The following IL15 variants were observed in gnomAD, a reference collection of about 807,000 sequenced individuals.
IL15 encodes the protein interleukin-15.
Under a neutral mutation model 19.6 loss-of-function variants are expected in IL15, and 11 were observed. The ratio of observed to expected loss-of-function variants is 0.56; its 90% CI spans 0.35 to 0.93. IL15 has a LOEUF of 0.93. Among genes scored for constraint, IL15 ranks in the 40% least tolerant of loss-of-function variants. IL15 has a pLI of 0.01. For synonymous variants in IL15, 58 were observed against 59.6 expected, an observed-to-expected ratio of 0.97 and a Z score of 0.12; for missense variants, 197 against 186.5, an observed-to-expected ratio of 1.06 and a Z score of -0.33.
Position 141,669,917 on chromosome 4 carries a change from G to A in IL15, c.-100+13610G>A, listed in dbSNP as rs566929388. ...CTAGAAATCTAGATTAATGTTCACC[G>A]TGTGGATAATTTGAAAACTCTTGAG... is the stretch of plus-strand genomic sequence containing the variant. On this transcript the variant is annotated intron_variant, in intron 2 of 7. Transcript: ENST00000320650. 9.2e-5 allele frequency among the ~76,000 whole-genome samples: 14 copies of A among 151,778 alleles called. No individual in the cohort carries two copies. The East Asian group carries it at 9.7e-4, about 10-fold the overall frequency.
intron 2 of IL15, among the ~76,000 whole-genome samples, chr4:141,659,761 A>G (rs946204315): frequency 2.8e-4 from 42 of 152,354 alleles, no homozygotes; most frequent in African/African-American, 9.4e-4. Context: ...GAAATATGCA[A>G]GAGATTTAAA....
At chr4:141,720,993 TTTG>T (rs1730055057) in intron 4 of IL15, 1 of 595,618 alleles carries the variant, frequency 1.7e-6, no homozygotes, top group East Asian at 2.9e-5. Context: ...ATTTAAGCCT[TTTG>T]TTGTTTCCTT....
At chr4:141,702,116 G>C (rs1471917587) in intron 2 of IL15, among the ~76,000 whole-genome samples, 1 of 152,174 alleles carries the variant, frequency 6.6e-6, no homozygotes, top group Non-Finnish European at 1.5e-5. Flanking sequence ...CTGCCTGTTG[G>C]GGTAGAGGTG....
At chr4:141,719,345 A>G (rs984116183) in intron 2 of IL15, 21 bp from the exon 3 acceptor site, 2 of 588,500 alleles carry the variant, frequency 3.4e-6, no homozygotes, top group African/African-American at 3.8e-5. Flanking sequence ...TGTGTTTTTA[A>G]TGGATCATAC....
chr4:141,689,192 G>T (rs1328886082), intron 2 of IL15, among the ~76,000 whole-genome samples: 3 of 152,146 alleles, frequency 2.0e-5, no homozygotes, highest in African/African-American at 4.8e-5. Context: ...GCAGTAACAA[G>T]ATTAATTGCA....
chr4:141,659,748 C>T (rs1167159994), intron 2 of IL15, among the ~76,000 whole-genome samples: 5 of 152,138 alleles, frequency 3.3e-5, no homozygotes, highest in Non-Finnish European at 5.9e-5. Flanking sequence ...TGAAATCATG[C>T]TTGAAATATG....
At chr4:141,669,601 G>A (rs1415298157) in intron 2 of IL15, among the ~76,000 whole-genome samples, 1 of 152,104 alleles carries the variant, frequency 6.6e-6, no homozygotes, top group African/African-American at 2.4e-5. Flanking sequence ...AGAGAATGTT[G>A]TCTGGGTAGA....
chr4:141,662,065 TA>T (rs1727809841), intron 2 of IL15, among the ~76,000 whole-genome samples: 1 of 152,220 alleles, frequency 6.6e-6, no homozygotes, highest in Non-Finnish European at 1.5e-5. Flanking sequence ...TTTCAGAGAA[TA>T]AAACATTGAG....
In IL15 at chr4:141,673,633, C is replaced by T. The variant is rs367618647; in HGVS notation, c.-100+17326C>T. Among the ~76,000 whole-genome samples the T allele has an allele frequency of 1.3e-3, 196 of 152,236 alleles. 1 individual carries two copies. The highest frequency in any genetic ancestry group is 4.3e-3 in the African/African-American group (178 of 41,548). On this transcript the variant is annotated intron_variant, in intron 2 of 7. Coordinates refer to ENST00000320650, the MANE Select transcript of IL15 (RefSeq NM_000585.5). ...CAAGGTATTCGACTGTATCTGCCTCCGGAACACACGTGAAATAATGTATTT... is the reference window on the plus strand; with the variant it reads ...CAAGGTATTCGACTGTATCTGCCTCTGGAACACACGTGAAATAATGTATTT...
At chr4:141,714,039 T>C (rs1183290888) in intron 2 of IL15, among the ~76,000 whole-genome samples, 1 of 152,108 alleles carries the variant, frequency 6.6e-6, no homozygotes, top group African/African-American at 2.4e-5. Context: ...CATACTATTC[T>C]CCCAGTTACC....
At chr4:141,723,101 C>T (rs1730144030) in intron 5 of IL15, among the ~76,000 whole-genome samples, 1 of 152,044 alleles carries the variant, frequency 6.6e-6, no homozygotes. Context: ...TAACAAAACA[C>T]CACCCATCTA....
intron 2 of IL15, among the ~76,000 whole-genome samples, chr4:141,707,590 G>A (rs1223481744): frequency 6.6e-6 from 1 of 152,202 alleles, no homozygotes; most frequent in African/African-American, 2.4e-5. Flanking sequence ...TATAAGTTCA[G>A]CATGGTGAAT....
intron 4 of IL15, chr4:141,720,866 G>A (rs1579050957): frequency 1.9e-6 from 1 of 530,066 alleles, no homozygotes; most frequent in Non-Finnish European, 3.3e-6. Context: ...TATTTTTCAT[G>A]GCAATTAAAA....
chr4:141,686,155 CATG>C (rs1383035468), intron 2 of IL15, among the ~76,000 whole-genome samples: 1 of 151,940 alleles, frequency 6.6e-6, no homozygotes, highest in African/African-American at 2.4e-5. Flanking sequence ...ATTAGCCAGG[CATG>C]GTGGTGGTCA....
At chr4:141,712,497 G>T (rs1381446625) in intron 2 of IL15, among the ~76,000 whole-genome samples, 2 of 151,704 alleles carry the variant, frequency 1.3e-5, no homozygotes, top group African/African-American at 2.4e-5. Flanking sequence ...AGTGGTAAGA[G>T]ATCTACCATA....
intron 2 of IL15, among the ~76,000 whole-genome samples, chr4:141,667,432 G>C (rs1373071292): frequency 6.6e-6 from 1 of 152,162 alleles, no homozygotes; most frequent in African/African-American, 2.4e-5. Flanking sequence ...AGAACTGATT[G>C]CTTGCTTGTT....
chr4:141,725,784 A>T (rs148299136), intron 5 of IL15, among the ~76,000 whole-genome samples: 1 of 152,162 alleles, frequency 6.6e-6, no homozygotes, highest in East Asian at 1.9e-4. Context: ...TTTACTCAAC[A>T]TAATTGTCTG....
chr4:141,660,945 T>C (rs1727765892), intron 2 of IL15, among the ~76,000 whole-genome samples: 1 of 152,182 alleles, frequency 6.6e-6, no homozygotes, highest in Non-Finnish European at 1.5e-5. Context: ...CATCTCTATG[T>C]GAGTCTTGGT....
At chr4:141,700,397 A>T (rs1307036475) in intron 2 of IL15, among the ~76,000 whole-genome samples, 1 of 152,130 alleles carries the variant, frequency 6.6e-6, no homozygotes, top group Non-Finnish European at 1.5e-5. Context: ...TTTGCTGGAT[A>T]AAAAAAGTCT....
Sources: gnomAD v4.1 joint callset for allele counts (sites outside exome capture counted in the v4.1 genomes callset) on GRCh38, gnomAD v4.1.1 for gene constraint, MANE v1.5 for transcripts, NCBI Gene and HGNC (gene_info 2026-07-23, HGNC 2026-07-21) for gene names.